The following ABCC9 variants were observed in gnomAD, a reference collection of about 807,000 sequenced individuals.
The protein encoded by ABCC9 is ATP binding cassette subfamily C member 9, also known as ATP-binding cassette sub-family C member 9.
ABCC9 carries 95 observed loss-of-function variants against 188.3 expected under a neutral mutation model. The observed-to-expected ratio is 0.50, with a 90% confidence interval of 0.43 to 0.60. The LOEUF is 0.60. Among genes scored for constraint, ABCC9 ranks in the 20% least tolerant of loss-of-function variants. The pLI is 0.00. For missense variants in ABCC9, 1,102 were observed against 1,876.3 expected (o/e 0.59, Z 7.62); for synonymous variants, 659 against 652.7 (o/e 1.01, Z -0.15).
At chr12:21,884,486 T>A (rs1946778503) in intron 15 of ABCC9, among the ~76,000 whole-genome samples, 1 of 152,162 alleles carries the variant, frequency 6.6e-6, no homozygotes, top group African/African-American at 2.4e-5. Context: ...TGAAAGTTGT[T>A]GGTTTTGGGG....
In ABCC9 at chr12:21,923,944, A is replaced by T. The variant is rs947425033; in HGVS notation, c.406+1998T>A. ...GAAATGCAACAATAAGAAAATATTGATCTATGCTACATTACGGATGAGCAT... is the reference window on the plus strand; with the variant it reads ...GAAATGCAACAATAAGAAAATATTGTTCTATGCTACATTACGGATGAGCAT... On this transcript the variant is annotated intron_variant, in intron 5 of 39. Transcript: ENST00000261200. 2.5e-5 allele frequency: 16 copies of T among 652,868 alleles called. No individual in the cohort carries two copies. The African/African-American group carries it at 2.6e-4, about 10-fold the overall frequency. The allele number at this position is 652,868 out of a possible 1,614,324, so 40.4% of individuals were successfully genotyped here. A position where few individuals can be genotyped will look rare whatever the true frequency, so the allele number is the denominator to read the frequency against.
intron 17 of ABCC9, among the ~76,000 whole-genome samples, chr12:21,873,292 T>C (rs75840746): frequency 0.031 from 4,787 of 152,186 alleles, 337 homozygotes; most frequent in East Asian, 0.31. Context: ...TTTGATGCTA[T>C]TGTGGATAGT....
intron 3 of ABCC9, among the ~76,000 whole-genome samples, chr12:21,934,346 A>G (rs914300352): frequency 6.6e-6 from 1 of 152,174 alleles, no homozygotes; most frequent in Non-Finnish European, 1.5e-5. Context: ...TGGTTACAAA[A>G]TACAGGACTC....
At position 21,933,866 on chromosome 12, in the gene ABCC9, G is replaced by A. The variant is rs766600615; in HGVS notation, c.200C>T (p.Pro67Leu). Residue 67 changes from proline (P) to leucine (L), a missense_variant, in exon 4 of 40, where the codon CCG becomes CTG. Physicochemically the swap from Pro to Leu is moderately conservative, Grantham distance 98. Transcript: ENST00000261200. ...QIHHNTWLHF[P>L]GHNLRWILTF... ...AAGAATCCATCTCAGGTTATGTCCC[G>A]GAAAATGAAGCCATGTGTTGTGGTG... 3.2e-5 allele frequency: 52 copies of A among 1,613,518 alleles called. No homozygotes were observed. Among genetic ancestry groups the A allele is most frequent in the Non-Finnish European group, 3.8e-5 (45 of 1,179,700 alleles).
intron 12 of ABCC9, among the ~76,000 whole-genome samples, chr12:21,896,303 A>G (rs989449283): frequency 2.0e-5 from 3 of 152,222 alleles, no homozygotes; most frequent in Non-Finnish European, 2.9e-5. Context: ...GTGCTTTTGC[A>G]AGTCCAGATA....
intron 18 of ABCC9, 86 bp downstream of exon 18, chr12:21,872,539 A>G: frequency 9.3e-7 from 1 of 1,072,140 alleles, no homozygotes; most frequent in Non-Finnish European, 1.5e-6. Context: ...GAGTCAGAAC[A>G]TGTAAATGTA....
intron 26 of ABCC9, among the ~76,000 whole-genome samples, chr12:21,845,239 A>G (rs535626908): frequency 6.6e-6 from 1 of 152,096 alleles, no homozygotes. Flanking sequence ...TCTCAAAATG[A>G]CCAGCTAATA....
chr12:21,911,001 G>A lies in ABCC9; in HGVS notation c.1012-23C>T, dbSNP rs567908614. 1.6e-5 allele frequency: 25 copies of A among 1,610,862 alleles called. No individual in the cohort carries two copies. The East Asian group carries it at 4.7e-4, about 30-fold the overall frequency. ...AATCTGGTCCCCAAAGAAAAAAAGT[G>A]TCATATTAAAACTCGTCTTTTTATA... On this transcript the variant is annotated intron_variant, in intron 8 of 39. Transcript: ENST00000261200.
At chr12:21,806,170 CT>C in intron 38 of ABCC9, 110 bp from the exon 39 acceptor site, 1 of 979,540 alleles carries the variant, frequency 1.0e-6, no homozygotes, top group South Asian at 1.4e-5. Context: ...TTCTCAATCC[CT>C]CATTTTCTGT....
In ABCC9 at chr12:21,894,028, A is replaced by C. The variant is rs888264423; in HGVS notation, c.1802+4T>G. On this transcript the variant is annotated splice_donor_region_variant and intron_variant, in intron 14 of 39. Coordinates refer to ENST00000261200, the MANE Select transcript of ABCC9 (RefSeq NM_020297.4). Reference sequence around the variant, plus strand: ...CAAAAAATGCCAGACACTTCAGTGCATACCTTATGATGGCTTTGACTGCAA... The same window carrying C: ...CAAAAAATGCCAGACACTTCAGTGCCTACCTTATGATGGCTTTGACTGCAA... 1 of 1,613,988 alleles carries C rather than the reference A, an allele frequency of 6.2e-7. No homozygotes were observed. Among genetic ancestry groups the C allele is most frequent in the Non-Finnish European group, 8.5e-7 (1 of 1,179,992 alleles).
intron 29 of ABCC9, among the ~76,000 whole-genome samples, chr12:21,839,422 G>A (rs1481899377): frequency 6.6e-6 from 1 of 152,170 alleles, no homozygotes; most frequent in Non-Finnish European, 1.5e-5. Flanking sequence ...GACACAGTGA[G>A]TTTGAATCCT....
intron 31 of ABCC9, among the ~76,000 whole-genome samples, chr12:21,818,603 G>T (rs965755927): frequency 6.9e-6 from 1 of 145,492 alleles, no homozygotes; most frequent in Non-Finnish European, 1.5e-5. Context: ...CAGAAGTTAA[G>T]CTACAATTGG....
chr12:21,930,301 AATTCTT>A (rs1211056776), intron 4 of ABCC9, among the ~76,000 whole-genome samples: 2 of 152,170 alleles, frequency 1.3e-5, no homozygotes, highest in African/African-American at 4.8e-5. Flanking sequence ...GGGACCATAG[AATTCTT>A]CTGATATGTA....
intron 11 of ABCC9, 25 bp downstream of exon 11, chr12:21,908,052 T>A (rs375478426): frequency 1.2e-6 from 2 of 1,609,402 alleles, no homozygotes; most frequent in Non-Finnish European, 1.7e-6. Flanking sequence ...TTTTTGTAAT[T>A]AAGTTTCCAA....
chr12:21,825,582 G>A (rs1024523689), intron 31 of ABCC9, among the ~76,000 whole-genome samples: 5 of 149,920 alleles, frequency 3.3e-5, no homozygotes, highest in African/African-American at 1.2e-4. Flanking sequence ...TCATAAGTGG[G>A]AGTTAGACAA....
At chr12:21,847,037 C>G (rs1044654811) in intron 25 of ABCC9, among the ~76,000 whole-genome samples, 1 of 152,098 alleles carries the variant, frequency 6.6e-6, no homozygotes, top group Middle Eastern at 3.2e-3. Context: ...CTACTGTTGG[C>G]TTGAGCATTC....
chr12:21,884,106 C>G lies in ABCC9; in HGVS notation c.1912-1233G>C, dbSNP rs533795787. Reference sequence around the variant, plus strand: ...TTTTTTTTTGAAACAGAGTCTCACTCTGTCCCCCAGGCTGGAGTGCAGTGG... The same window carrying G: ...TTTTTTTTTGAAACAGAGTCTCACTGTGTCCCCCAGGCTGGAGTGCAGTGG... On this transcript the variant is annotated intron_variant, in intron 15 of 39. Coordinates refer to ENST00000261200, the MANE Select transcript of ABCC9 (RefSeq NM_020297.4). Among the ~76,000 whole-genome samples, 4 of 151,098 alleles carry G rather than the reference C, an allele frequency of 2.6e-5. No individual in the cohort carries two copies. In the South Asian group the frequency reaches 8.4e-4, roughly 32 times the overall value.
intron 10 of ABCC9, among the ~76,000 whole-genome samples, chr12:21,909,954 T>C (rs1451052586): frequency 6.6e-6 from 1 of 151,882 alleles, no homozygotes. Context: ...AGGGCAGATA[T>C]TTGAACTCAA....
chr12:21,872,801 T>C (rs1057061340), intron 17 of ABCC9, 71 bp from the exon 18 acceptor site: 1 of 1,194,684 alleles, frequency 8.4e-7, no homozygotes, highest in Non-Finnish European at 1.3e-6. Flanking sequence ...AAAACACATT[T>C]AGAAAAAGCT....
Sources: allele counts gnomAD v4.1 joint callset (sites outside exome capture counted in the v4.1 genomes callset), GRCh38; gene constraint gnomAD v4.1.1; transcripts MANE v1.5; gene names NCBI Gene and HGNC (gene_info 2026-07-23, HGNC 2026-07-21).